The following LRMDA variants were observed in gnomAD, a reference collection of about 807,000 sequenced individuals.
The protein encoded by LRMDA is leucine-rich melanocyte differentiation-associated protein.
In LRMDA, 18 loss-of-function variants were observed where a neutral mutation model predicts 29.8. The ratio of observed to expected loss-of-function variants is 0.60; its 90% CI spans 0.42 to 0.90. LRMDA has a LOEUF of 0.90. Among genes scored for constraint, LRMDA ranks in the 40% least tolerant of loss-of-function variants. LRMDA has a pLI of 0.00. For synonymous variants in LRMDA, 125 were observed against 109.4 expected (o/e 1.14, Z -0.89); for missense variants, 273 against 273.9 (o/e 1.00, Z 0.02).
At chr10:76,218,684 G>A (rs1255155560) in intron 5 of LRMDA, among the ~76,000 whole-genome samples, 1 of 152,184 alleles carries the variant, frequency 6.6e-6, no homozygotes, top group African/African-American at 2.4e-5. Context: ...CCCCACCTGG[G>A]AGGTGTGTAG....
chr10:76,436,194 G>C (rs1244168758), intron 6 of LRMDA, among the ~76,000 whole-genome samples: 3 of 152,212 alleles, frequency 2.0e-5, no homozygotes, highest in Non-Finnish European at 2.9e-5. Context: ...TGGTGGCAGA[G>C]TTAGTGAAAT....
chr10:76,496,137 A>G lies in LRMDA; in HGVS notation c.602-61072A>G, dbSNP rs1217930329. Among the ~76,000 whole-genome samples the G allele has an allele frequency of 5.3e-5, 4 of 75,266 alleles. 2 individuals carry two copies. Among genetic ancestry groups the G allele is most frequent in the Non-Finnish European group, 1.8e-4 (4 of 22,784 alleles). The allele number at this position is 75,266 out of a possible 152,430, so 49.4% of individuals were successfully genotyped here. On this transcript the variant is annotated intron_variant, in intron 6 of 6. Coordinates refer to ENST00000611255, the MANE Select transcript of LRMDA (RefSeq NM_001305581.2). The stretch of plus-strand genomic sequence containing the variant: ...TGTACCCAGTGCACCATGGTTTACT[A>G]GATTTTCCACTCTAGTTGGTGGGAA...
chr10:76,422,532 G>T (rs1842081484), intron 6 of LRMDA, among the ~76,000 whole-genome samples: 2 of 151,986 alleles, frequency 1.3e-5, no homozygotes, highest in African/African-American at 2.4e-5. Flanking sequence ...GCTCTCCTCA[G>T]TCTGTCTAAT....
chr10:75,650,509 G>C (rs1841584365), intron 2 of LRMDA, among the ~76,000 whole-genome samples: 1 of 151,016 alleles, frequency 6.6e-6, no homozygotes, highest in South Asian at 2.1e-4. Flanking sequence ...TGATAAGGTT[G>C]AGAGATAGCA....
intron 6 of LRMDA, among the ~76,000 whole-genome samples, chr10:76,425,296 T>A (rs1842112284): frequency 6.6e-6 from 1 of 152,332 alleles, no homozygotes; most frequent in Middle Eastern, 3.4e-3. Context: ...GGAGTTCAGA[T>A]GTTTGAGTTC....
chr10:76,099,474 A>G (rs1849363662), intron 5 of LRMDA, among the ~76,000 whole-genome samples: 1 of 151,908 alleles, frequency 6.6e-6, no homozygotes, highest in Admixed American at 6.6e-5. Context: ...ATTTGCTTTT[A>G]TTTTTCTACT....
At chr10:75,666,768 G>A (rs1321471888) in intron 2 of LRMDA, among the ~76,000 whole-genome samples, 6 of 152,174 alleles carry the variant, frequency 3.9e-5, no homozygotes, top group Non-Finnish European at 7.4e-5. Flanking sequence ...ACCAAAACAG[G>A]CACCAGTACT....
At chr10:76,248,363 A>G (rs182735320) in intron 5 of LRMDA, among the ~76,000 whole-genome samples, 2 of 152,316 alleles carry the variant, frequency 1.3e-5, no homozygotes, top group East Asian at 3.9e-4. Context: ...GGTTTTACAG[A>G]GTTCCTTAAC....
At chr10:76,126,536 T>C (rs1459464662) in intron 5 of LRMDA, among the ~76,000 whole-genome samples, 1 of 152,194 alleles carries the variant, frequency 6.6e-6, no homozygotes. Flanking sequence ...GCTGGGGTCT[T>C]TCATCCAGCC....
intron 6 of LRMDA, among the ~76,000 whole-genome samples, chr10:76,404,899 A>G (rs1421595029): frequency 6.6e-6 from 1 of 152,196 alleles, no homozygotes; most frequent in Non-Finnish European, 1.5e-5. Context: ...AGATGTTACA[A>G]CAGAAATAGA....
intron 5 of LRMDA, among the ~76,000 whole-genome samples, chr10:76,060,420 G>A (rs973984230): frequency 1.3e-5 from 2 of 152,168 alleles, no homozygotes; most frequent in African/African-American, 2.4e-5. Context: ...ATCTACAAGT[G>A]TTCACATCAT....
At chr10:75,871,454 T>G (rs1305448669) in intron 2 of LRMDA, among the ~76,000 whole-genome samples, 1 of 152,174 alleles carries the variant, frequency 6.6e-6, no homozygotes, top group Non-Finnish European at 1.5e-5. Context: ...CTCTTACCTT[T>G]CATGCAGGCA....
intron 2 of LRMDA, among the ~76,000 whole-genome samples, chr10:75,869,452 CGTCTT>C (rs1845073138): frequency 6.6e-6 from 1 of 152,134 alleles, no homozygotes; most frequent in Admixed American, 6.5e-5. Flanking sequence ...TATGTTAGCT[CGTCTT>C]ATCTTTCCAT....
intron 6 of LRMDA, among the ~76,000 whole-genome samples, chr10:76,387,472 A>T (rs770028744): frequency 1.4e-4 from 21 of 152,132 alleles, no homozygotes; most frequent in Admixed American, 3.9e-4. Flanking sequence ...ATGGTGGTGC[A>T]CGTGCGTGTA....
At chr10:76,384,375 A>G (rs549158646) in intron 6 of LRMDA, among the ~76,000 whole-genome samples, 2 of 152,344 alleles carry the variant, frequency 1.3e-5, no homozygotes, top group South Asian at 4.1e-4. Flanking sequence ...GGCCAGGGAA[A>G]TGATATAAAG....
chr10:75,914,101 C>T (rs1257827784), intron 2 of LRMDA, among the ~76,000 whole-genome samples: 1 of 152,092 alleles, frequency 6.6e-6, no homozygotes, highest in Non-Finnish European at 1.5e-5. Flanking sequence ...AAAAAGCCTG[C>T]GAAAAGCAAC....
At chr10:76,462,347 T>C (rs1564548317) in intron 6 of LRMDA, among the ~76,000 whole-genome samples, 1 of 152,022 alleles carries the variant, frequency 6.6e-6, no homozygotes, top group Non-Finnish European at 1.5e-5. Context: ...AGTTTCTCCA[T>C]ATGAAAAAAA....
intron 2 of LRMDA, among the ~76,000 whole-genome samples, chr10:75,947,870 G>A (rs1846503553): frequency 6.6e-6 from 1 of 152,100 alleles, no homozygotes; most frequent in Non-Finnish European, 1.5e-5. Flanking sequence ...CTGAATCTTA[G>A]AGCTCGTTGT....
At chr10:76,076,551 G>A (rs1848962842) in intron 5 of LRMDA, among the ~76,000 whole-genome samples, 1 of 152,036 alleles carries the variant, frequency 6.6e-6, no homozygotes, top group Non-Finnish European at 1.5e-5. Context: ...AGATGAAGTG[G>A]AGCCTTATTT....
Sources: gnomAD v4.1 joint callset for allele counts (sites outside exome capture counted in the v4.1 genomes callset) on GRCh38, gnomAD v4.1.1 for gene constraint, MANE v1.5 for transcripts, NCBI Gene and HGNC (gene_info 2026-07-23, HGNC 2026-07-21) for gene names.